The following EYS variants were observed in gnomAD, a reference collection of about 807,000 sequenced individuals.
EYS encodes the protein EGF-like photoreceptor maintenance factor.
EYS carries 250 observed loss-of-function variants against 282.1 expected under a neutral mutation model. The observed-to-expected ratio is 0.89, with a 90% CI of 0.80 to 0.98. The LOEUF (loss-of-function observed/expected upper bound fraction) is 0.98, where lower values mean the gene tolerates loss of function less well. Ranked by LOEUF, EYS falls within the 50% of genes least tolerant of loss-of-function variation. EYS has a pLI of 0.00. For synonymous variants in EYS, 1,355 were observed against 1,282.9 expected, an observed-to-expected ratio of 1.06 and a Z score of -1.20; for missense variants, 4,016 against 3,709.0, an observed-to-expected ratio of 1.08 and a Z score of -2.15.
chr6:64,571,060 C>G (rs542548064), intron 26 of EYS, among the ~76,000 whole-genome samples: 1 of 152,046 alleles, frequency 6.6e-6, no homozygotes, highest in Non-Finnish European at 1.5e-5. Flanking sequence ...TGGAAAACAA[C>G]GAATATCACA....
chr6:65,522,149 T>A (rs1767398076), intron 2 of EYS, among the ~76,000 whole-genome samples: 2 of 152,344 alleles, frequency 1.3e-5, no homozygotes, highest in South Asian at 4.1e-4. Flanking sequence ...ATCTATTATG[T>A]AAGCTTTAGA....
chr6:65,095,809 A>C (rs1000323206), intron 12 of EYS, among the ~76,000 whole-genome samples: 1 of 151,156 alleles, frequency 6.6e-6, no homozygotes, highest in African/African-American at 2.4e-5. Context: ...AACATGATAA[A>C]GACTATATAT....
chr6:64,971,667 A>T (rs1770298076), intron 14 of EYS, among the ~76,000 whole-genome samples: 1 of 152,130 alleles, frequency 6.6e-6, no homozygotes, highest in South Asian at 2.1e-4. Context: ...TCAACAGTGA[A>T]GGTGTCAAAG....
chr6:64,481,149 A>G (rs1313327367), intron 26 of EYS, among the ~76,000 whole-genome samples: 1 of 150,716 alleles, frequency 6.6e-6, no homozygotes, highest in Non-Finnish European at 1.5e-5. Context: ...AGCCACTGAA[A>G]ACTCACAGCT....
intron 26 of EYS, among the ~76,000 whole-genome samples, chr6:64,473,846 G>C (rs1305635803): frequency 6.6e-6 from 1 of 152,116 alleles, no homozygotes; most frequent in East Asian, 1.9e-4. Context: ...ATGGGAACAT[G>C]ACTTAGTTAT....
intron 36 of EYS, among the ~76,000 whole-genome samples, chr6:63,848,188 T>C (rs1209006113): frequency 2.0e-5 from 3 of 152,048 alleles, no homozygotes; most frequent in Non-Finnish European, 4.4e-5. Flanking sequence ...CTTTTTACGA[T>C]GAGATTGCTG....
At chr6:64,042,606 CTT>C (rs1374462873) in intron 33 of EYS, among the ~76,000 whole-genome samples, 2 of 152,204 alleles carry the variant, frequency 1.3e-5, no homozygotes, top group East Asian at 3.8e-4. Flanking sequence ...ACACTTCCCT[CTT>C]TACCTCTCCA....
chr6:65,579,102 C>T (rs1219185613), intron 2 of EYS, among the ~76,000 whole-genome samples: 1 of 152,068 alleles, frequency 6.6e-6, no homozygotes, highest in Non-Finnish European at 1.5e-5. Context: ...ATGGCCAACT[C>T]AACTTTGACT....
intron 1 of EYS, among the ~76,000 whole-genome samples, chr6:65,684,853 C>A (rs1768955993): frequency 6.6e-6 from 1 of 151,942 alleles, no homozygotes; most frequent in Non-Finnish European, 1.5e-5. Flanking sequence ...GTTTTCTCTT[C>A]TTTTGTTTTT....
intron 41 of EYS, among the ~76,000 whole-genome samples, chr6:63,745,893 A>G (rs1436923047): frequency 1.3e-5 from 2 of 152,140 alleles, no homozygotes; most frequent in Non-Finnish European, 2.9e-5. Flanking sequence ...TATCCTTATA[A>G]GAAGAAACAC....
At chr6:64,007,362 G>T (rs1035284355) in intron 33 of EYS, among the ~76,000 whole-genome samples, 1 of 150,536 alleles carries the variant, frequency 6.6e-6, no homozygotes, top group East Asian at 1.9e-4. Context: ...ATCTCTGATT[G>T]TGTTTGAGTC....
chr6:65,538,552 A>G (rs537522242), intron 2 of EYS, among the ~76,000 whole-genome samples: 1 of 152,144 alleles, frequency 6.6e-6, no homozygotes, highest in Non-Finnish European at 1.5e-5. Flanking sequence ...AACAAATAAA[A>G]CATATATTGA....
chr6:64,220,794 A>T (rs748275413), intron 31 of EYS, among the ~76,000 whole-genome samples: 1 of 152,132 alleles, frequency 6.6e-6, no homozygotes, highest in Non-Finnish European at 1.5e-5. Flanking sequence ...GTTTATTTTA[A>T]CTTGGATTAG....
chr6:63,877,487 C>G (rs1295166805), intron 35 of EYS, among the ~76,000 whole-genome samples: 1 of 152,104 alleles, frequency 6.6e-6, no homozygotes, highest in Non-Finnish European at 1.5e-5. Context: ...TTGTGGCGTT[C>G]TCTGTATTTC....
rs141944940 is a variant in EYS at position 63,971,637 on chromosome 6, G to C, written c.7055+12746C>G. ...TTAATTTGTGTTTCTAAGTGGATGG[G>C]TAGACTAGAGAAGGAAATAAAAAAG... On this transcript the variant is annotated intron_variant, in intron 35 of 42. Transcript: ENST00000503581. 9.8e-3 allele frequency among the ~76,000 whole-genome samples: 1,494 copies of C among 152,160 alleles called. 21 individuals carry two copies. Among genetic ancestry groups the C allele is most frequent in the East Asian group, 0.036 (185 of 5,126 alleles).
intron 12 of EYS, among the ~76,000 whole-genome samples, chr6:65,090,923 A>G (rs1561961007): frequency 6.6e-6 from 1 of 152,086 alleles, no homozygotes; most frequent in African/African-American, 2.4e-5. Context: ...TAGGGCCTAG[A>G]ACACAGTAAA....
intron 2 of EYS, among the ~76,000 whole-genome samples, chr6:65,621,536 C>G (rs168511): frequency 0.78 from 114,363 of 145,760 alleles, 44,907 homozygotes; most frequent in Middle Eastern, 0.83. Flanking sequence ...TTTAATTGGA[C>G]CATTTAGTCC....
chr6:63,794,699 T>C (rs1770599545), intron 37 of EYS, among the ~76,000 whole-genome samples: 1 of 152,222 alleles, frequency 6.6e-6, no homozygotes, highest in Non-Finnish European at 1.5e-5. Context: ...ATGAGCAATT[T>C]ATATTTTTAT....
At position 64,813,675 on chromosome 6, in the gene EYS, T is replaced by TG. The variant is rs1203725282; in HGVS notation, c.3244-99dup. On this transcript the variant is annotated intron_variant, in intron 21 of 42. Transcript: ENST00000503581. ...ATTTAAACATAATCTAAAAAACTGA[T>TG]GTGCAAACTTGTTTGACATTTCCTT... The TG allele has an allele frequency of 1.1e-5, 8 of 704,812 alleles. No individual in the cohort carries two copies. In the East Asian group the frequency reaches 2.0e-4, roughly 18 times the overall value. 43.7% of individuals were successfully genotyped at this position (704,812 alleles called of 1,614,324 possible). A position where few individuals can be genotyped will look rare whatever the true frequency, so the allele number is the denominator to read the frequency against.
Sources: allele counts gnomAD v4.1 joint callset (sites outside exome capture counted in the v4.1 genomes callset), GRCh38; gene constraint gnomAD v4.1.1; transcripts MANE v1.5; gene names NCBI Gene and HGNC (gene_info 2026-07-23, HGNC 2026-07-21).